Variants in MYH10 observed in about 807,000 individuals in gnomAD.
The protein encoded by MYH10 is myosin-10.
MYH10 carries 55 observed loss-of-function variants against 257.8 expected under a neutral mutation model. That is an observed-to-expected ratio of 0.21 (90% confidence interval 0.17 to 0.27). MYH10 has a LOEUF of 0.27. Among genes scored for constraint, MYH10 ranks in the 10% least tolerant of loss-of-function variants. MYH10 has a pLI of 1.00. For missense variants in MYH10, 1,631 were observed against 2,500.6 expected (o/e 0.65, Z 7.42); for synonymous variants, 854 against 921.7 (o/e 0.93, Z 1.33).
intron 24 of MYH10, 120 bp from the exon 25 acceptor site, chr17:8,510,069 C>A: frequency 1.0e-6 from 1 of 964,038 alleles, no homozygotes; most frequent in Non-Finnish European, 1.4e-6. Context: ...CACGGAGTCT[C>A]GCTCTGTTGC....
At position 8,480,482 on chromosome 17, in the gene MYH10, C is replaced by A; in HGVS notation, c.5308G>T (p.Ala1770Ser). 1 of 1,611,606 alleles carries A rather than the reference C, an allele frequency of 6.2e-7. No homozygotes were observed. ...TCTTCCAGCTCCTCCTCCAGCTGTG[C>A]GATCCGAGCTTCCAGACGCCGCTTC... ...DEKRRLEARI[A>S]QLEEELEEEQ... The change falls in exon 39 of 43, where the codon GCA becomes TCA. Residue 1770 changes from alanine (A) to serine (S), a missense_variant. This residue lies in a region of MYH10 where 343 missense variants were observed against 389.5 expected (regional missense o/e 0.88). Coordinates refer to ENST00000360416, the MANE Select transcript of MYH10 (RefSeq NM_001256012.3).
intron 4 of MYH10, among the ~76,000 whole-genome samples, chr17:8,581,656 A>G (rs1030920957): frequency 2.0e-5 from 3 of 152,234 alleles, no homozygotes; most frequent in Non-Finnish European, 4.4e-5. Context: ...TATGGGTCTT[A>G]TATTGCCCAC....
At position 8,509,902 on chromosome 17, in the gene MYH10, C is replaced by T. The variant is rs761881157; in HGVS notation, c.3000G>A (p.Leu1000=). 6.8e-6 allele frequency: 11 copies of T among 1,612,922 alleles called. 1 individual carries two copies. In the South Asian group the frequency reaches 8.8e-5, roughly 13 times the overall value. The change falls in exon 25 of 43, where the codon CTG becomes CTA. Residue 1000 remains leucine, a synonymous_variant. Transcript: ENST00000360416. ...LDEEEGARQK[L]QLEKVTAEAK... ...CCTCTGCTGTCACCTTTTCCAGCTG[C>T]AGCTTTTGCCGAGCCCCTTCCTCCT...
At chr17:8,509,616 T>C (rs1167200290) in intron 25 of MYH10, among the ~76,000 whole-genome samples, 196 bp downstream of exon 25, 3 of 152,218 alleles carry the variant, frequency 2.0e-5, no homozygotes, top group Admixed American at 2.0e-4. Context: ...GGATATTTGA[T>C]AAGGTTTAAA....
At chr17:8,613,110 A>C (rs749904126) in intron 2 of MYH10, among the ~76,000 whole-genome samples, 1 of 152,168 alleles carries the variant, frequency 6.6e-6, no homozygotes, top group Non-Finnish European at 1.5e-5. Context: ...ATGACCTTCA[A>C]GGGAACAACA....
chr17:8,628,545 G>A (rs1213380067), intron 1 of MYH10, among the ~76,000 whole-genome samples: 2 of 152,152 alleles, frequency 1.3e-5, no homozygotes, highest in African/African-American at 4.8e-5. Context: ...AAACAGAACT[G>A]TCCCAATTTG....
intron 1 of MYH10, among the ~76,000 whole-genome samples, chr17:8,625,359 A>G (rs1481141923): frequency 6.6e-6 from 1 of 152,248 alleles, no homozygotes; most frequent in Admixed American, 6.5e-5. Flanking sequence ...CTCATCTTCT[A>G]TAGTAGCGGC....
chr17:8,618,036 T>C (rs1187369744), intron 2 of MYH10, among the ~76,000 whole-genome samples: 1 of 152,210 alleles, frequency 6.6e-6, no homozygotes, highest in Non-Finnish European at 1.5e-5. Flanking sequence ...AAAACTTTTA[T>C]TGTCTGGCTT....
At chr17:8,624,194 C>T (rs1198213490) in intron 1 of MYH10, among the ~76,000 whole-genome samples, 1 of 152,162 alleles carries the variant, frequency 6.6e-6, no homozygotes, top group African/African-American at 2.4e-5. Flanking sequence ...TTATTTAGCA[C>T]CCATTTACCA....
At chr17:8,544,098 T>A (rs2082374541) in intron 13 of MYH10, among the ~76,000 whole-genome samples, 1 of 152,236 alleles carries the variant, frequency 6.6e-6, no homozygotes, top group South Asian at 2.1e-4. Flanking sequence ...TTATAATGGA[T>A]GCATAGTATT....
At chr17:8,581,132 A>C (rs1480473989) in intron 4 of MYH10, among the ~76,000 whole-genome samples, 1 of 151,902 alleles carries the variant, frequency 6.6e-6, no homozygotes, top group Non-Finnish European at 1.5e-5. Context: ...CAGGGGAGGG[A>C]GTGGCGAGAG....
chr17:8,576,393 A>G (rs2083498182), intron 6 of MYH10, among the ~76,000 whole-genome samples: 1 of 152,254 alleles, frequency 6.6e-6, no homozygotes, highest in African/African-American at 2.4e-5. Flanking sequence ...GGCTTCATAA[A>G]CATGCAGTTC....
At chr17:8,548,903 T>A (rs1436149366) in intron 9 of MYH10, 116 bp from the exon 10 acceptor site, 2 of 762,340 alleles carry the variant, frequency 2.6e-6, no homozygotes, top group Non-Finnish European at 4.2e-6. Flanking sequence ...ATGCAACCCA[T>A]TGCCAGCAAA....
chr17:8,476,499 T>G (rs2132101), intron 42 of MYH10, among the ~76,000 whole-genome samples: 146,951 of 152,230 alleles, frequency 0.97, 71,154 homozygotes, highest in Non-Finnish European at 1. Context: ...AGCAGATCCA[T>G]TGTGGTGAGG....
At chr17:8,536,129 C>T (rs1242789705) in intron 14 of MYH10, among the ~76,000 whole-genome samples, 198 bp from the exon 15 acceptor site, 1 of 152,070 alleles carries the variant, frequency 6.6e-6, no homozygotes, top group Non-Finnish European at 1.5e-5. Flanking sequence ...TAAGTACTAA[C>T]AAGAAAACAG....
chr17:8,626,617 T>C (rs953613466), intron 1 of MYH10, among the ~76,000 whole-genome samples: 5 of 134,698 alleles, frequency 3.7e-5, no homozygotes, highest in Non-Finnish European at 3.2e-5. Context: ...ATAAGTAAAA[T>C]AAAAAATTTA....
intron 6 of MYH10, among the ~76,000 whole-genome samples, chr17:8,574,119 GA>G (rs1029688678): frequency 6.6e-6 from 1 of 151,880 alleles, no homozygotes; most frequent in Non-Finnish European, 1.5e-5. Context: ...CCAAAAAGTA[GA>G]AAAAAATCCA....
intron 9 of MYH10, among the ~76,000 whole-genome samples, chr17:8,550,712 G>A (rs1159036408): frequency 6.6e-6 from 1 of 151,708 alleles, no homozygotes; most frequent in Admixed American, 6.6e-5. Flanking sequence ...GGGAGGGGTG[G>A]GGAAGGGATT....
At chr17:8,626,640 A>C (rs1036516314) in intron 1 of MYH10, among the ~76,000 whole-genome samples, 1 of 150,362 alleles carries the variant, frequency 6.7e-6, no homozygotes, top group Non-Finnish European at 1.5e-5. Context: ...AAAAAAGAAG[A>C]AAGGAGGCAT....
Sources: allele counts gnomAD v4.1 joint callset (sites outside exome capture counted in the v4.1 genomes callset), GRCh38; gene constraint gnomAD v4.1.1; regional missense constraint gnomAD v4.1.1; transcripts MANE v1.5; gene names NCBI Gene and HGNC (gene_info 2026-07-23, HGNC 2026-07-21).